The following TEX9 variants were observed in gnomAD, a reference collection of about 807,000 sequenced individuals.
The protein encoded by TEX9 is testis-expressed protein 9.
Under a neutral mutation model 59.6 loss-of-function variants are expected in TEX9, and 74 were observed. That is an observed-to-expected ratio of 1.24 (90% confidence interval 1.03 to 1.51). The LOEUF is 1.51. TEX9 is among the 40% of genes most tolerant of loss of function. The pLI is 0.00. For missense variants in TEX9, 522 were observed against 447.8 expected, an observed-to-expected ratio of 1.17 and a Z score of -1.49; for synonymous variants, 186 against 152.2, an observed-to-expected ratio of 1.22 and a Z score of -1.64.
At chr15:56,427,868 A>C (rs1226186003) in intron 11 of TEX9, 129 bp downstream of exon 11, 1 of 615,098 alleles carries the variant, frequency 1.6e-6, no homozygotes, top group African/African-American at 1.9e-5. Flanking sequence ...TGCATCATAC[A>C]TATGAAATCA....
intron 1 of TEX9, among the ~76,000 whole-genome samples, chr15:56,268,203 A>T (rs1202435805): frequency 2.0e-5 from 3 of 152,358 alleles, no homozygotes. Flanking sequence ...GAAATTGCTT[A>T]TCAGCTTAAG....
At chr15:56,352,789 A>G (rs1196416057) in intron 1 of TEX9, among the ~76,000 whole-genome samples, 1 of 152,182 alleles carries the variant, frequency 6.6e-6, no homozygotes, top group Non-Finnish European at 1.5e-5. Context: ...TTACCTTTTT[A>G]TGCAGCAAAT....
chr15:56,365,326 G>C (rs568644695), upstream of TEX9: 8 of 1,309,658 alleles, frequency 6.1e-6, 1 homozygote, highest in East Asian at 2.0e-4. Context: ...AGAGGCTCGC[G>C]CCGCTCGCAG....
At chr15:56,347,790 G>T (rs1442097082) in intron 1 of TEX9, among the ~76,000 whole-genome samples, 2 of 151,966 alleles carry the variant, frequency 1.3e-5, no homozygotes, top group African/African-American at 4.8e-5. Flanking sequence ...AAAAACATTT[G>T]ATCCATGAAA....
intron 2 of TEX9, among the ~76,000 whole-genome samples, chr15:56,371,964 G>T (rs533685736): frequency 1.3e-5 from 2 of 152,076 alleles, no homozygotes; most frequent in Admixed American, 1.3e-4. Flanking sequence ...AAGCTATTTT[G>T]GCTTCTGTTC....
At chr15:56,355,610 A>G (rs1175005246) in intron 1 of TEX9, among the ~76,000 whole-genome samples, 3 of 152,080 alleles carry the variant, frequency 2.0e-5, no homozygotes, top group Non-Finnish European at 2.9e-5. Context: ...TTGTCTTTCC[A>G]TCTAATTTTA....
At position 56,338,412 on chromosome 15, in the gene TEX9, G is replaced by A. The variant is rs2713920; in HGVS notation, c.-106-35029G>A. On this transcript the variant is annotated intron_variant, in intron 1 of 5. Transcript: ENST00000560827. ...TGTCTATCAGACCTGCAGGTTTTGG[G>A]TGGTGCAGTATATGATAGGACTAGT... Among the ~76,000 whole-genome samples, 55 of 152,260 alleles carry A rather than the reference G, an allele frequency of 3.6e-4. 1 individual carries two copies. The highest frequency in any genetic ancestry group is 1.0e-3 in the Admixed American group (16 of 15,292).
intron 1 of TEX9, among the ~76,000 whole-genome samples, chr15:56,287,436 TGTG>T (rs1337649924): frequency 6.6e-6 from 1 of 152,158 alleles, no homozygotes; most frequent in African/African-American, 2.4e-5. Context: ...TATATATACT[TGTG>T]GTGTATAATG....
At chr15:56,254,458 A>C (rs2044097776) in intron 1 of TEX9, among the ~76,000 whole-genome samples, 2 of 151,808 alleles carry the variant, frequency 1.3e-5, no homozygotes, top group South Asian at 4.2e-4. Context: ...GTGGATTCTG[A>C]GAGCCAACAG....
At chr15:56,324,647 CATT>C (rs1362973411) in intron 1 of TEX9, among the ~76,000 whole-genome samples, 1 of 152,162 alleles carries the variant, frequency 6.6e-6, no homozygotes. Flanking sequence ...GTGGTGAACT[CATT>C]ATTTTTACCC....
At chr15:56,355,994 G>A (rs12438014) in intron 1 of TEX9, among the ~76,000 whole-genome samples, 6,686 of 151,868 alleles carry the variant, frequency 0.044, 222 homozygotes, top group Admixed American at 0.087. Context: ...TATTGACCTC[G>A]CATCCTAAAA....
intron 9 of TEX9, among the ~76,000 whole-genome samples, chr15:56,407,720 G>C (rs970585013): frequency 5.9e-5 from 9 of 151,826 alleles, no homozygotes; most frequent in Admixed American, 6.6e-5. Flanking sequence ...TTAAACAGTT[G>C]GTCTTTTTTC....
Position 56,427,645 on chromosome 15 carries a change from A to G in TEX9, c.1004A>G (p.Lys335Arg), listed in dbSNP as rs367652405. The stretch of plus-strand genomic sequence containing the variant: ...GAACACAAAAAAATTGAAGTGTTAA[A>G]ATCAGAAAACAAGAAGCTAGAAAAA... The change falls in exon 11 of 13, where the codon AAA becomes AGA. Residue 335 changes from lysine to arginine, a missense_variant. By Grantham distance (26) the Lys-to-Arg change is conservative (BLOSUM62 2). Coordinates refer to ENST00000352903, the Ensembl canonical transcript of TEX9. 1 of 1,551,748 alleles carries G rather than the reference A, an allele frequency of 6.4e-7. No homozygotes were observed. Among genetic ancestry groups the G allele is most frequent in the African/African-American group, 1.4e-5 (1 of 71,752 alleles).
intron 1 of TEX9, among the ~76,000 whole-genome samples, chr15:56,247,574 G>A (rs1407809255): frequency 6.6e-6 from 1 of 152,176 alleles, no homozygotes; most frequent in African/African-American, 2.4e-5. Flanking sequence ...GCATAGCACG[G>A]TGTTGACTCT....
intron 10 of TEX9, among the ~76,000 whole-genome samples, chr15:56,426,626 T>TATATATATACATAC (rs1214988827): frequency 2.1e-5 from 1 of 47,178 alleles, no homozygotes. Flanking sequence ...TATATATATA[T>TATATATATACATAC]ACACACACAC....
At chr15:56,380,296 C>G (rs1263617145) in intron 3 of TEX9, among the ~76,000 whole-genome samples, 1 of 152,092 alleles carries the variant, frequency 6.6e-6, no homozygotes, top group East Asian at 1.9e-4. Context: ...AAAAAGAAAA[C>G]TAATACAAAC....
chr15:56,262,940 T>C (rs1596049942), intron 1 of TEX9, among the ~76,000 whole-genome samples: 1 of 152,220 alleles, frequency 6.6e-6, no homozygotes, highest in Admixed American at 6.5e-5. Flanking sequence ...GGTTGCTGTT[T>C]GCATGATAAT....
chr15:56,391,331 A>G, exon 7 of TEX9: 1 of 1,606,270 alleles, frequency 6.2e-7, no homozygotes, highest in Non-Finnish European at 8.5e-7. Context: ...AAAAACAATT[A>G]GCAAAATTGA....
intron 1 of TEX9, among the ~76,000 whole-genome samples, chr15:56,277,507 G>T (rs2044701901): frequency 6.6e-6 from 1 of 152,048 alleles, no homozygotes; most frequent in Non-Finnish European, 1.5e-5. Context: ...TATTTCTGAG[G>T]CCTCTGTTTT....
Sources: allele counts gnomAD v4.1 joint callset (sites outside exome capture counted in the v4.1 genomes callset), GRCh38; gene constraint gnomAD v4.1.1; transcripts MANE v1.5; gene names NCBI Gene and HGNC (gene_info 2026-07-23, HGNC 2026-07-21).